GTF2E1: variants seen among roughly 807,000 people sequenced by gnomAD.
GTF2E1 encodes the protein general transcription factor IIE subunit 1, also known as TFIIE alpha subunit.
In GTF2E1, 14 loss-of-function variants were observed where a neutral mutation model predicts 34.9. The ratio of observed to expected loss-of-function variants is 0.40; its 90% CI spans 0.27 to 0.63. The LOEUF is 0.63. Among genes scored for constraint, GTF2E1 ranks in the 20% least tolerant of loss-of-function variants. The probability of loss-of-function intolerance (pLI) is 0.39; values close to 1 mark genes in which losing one functional copy is unlikely to be tolerated. For missense variants in GTF2E1, 469 were observed against 557.7 expected (o/e 0.84, Z 1.60); for synonymous variants, 188 against 192.9 (o/e 0.97, Z 0.21).
intron 4 of GTF2E1, among the ~76,000 whole-genome samples, chr3:120,778,197 T>C (rs1431340823): frequency 6.6e-6 from 1 of 152,270 alleles, no homozygotes; most frequent in Admixed American, 6.5e-5. Flanking sequence ...ACCAACATTA[T>C]ATATTAAGCT....
intron 1 of GTF2E1, among the ~76,000 whole-genome samples, chr3:120,747,636 C>T (rs547839579): frequency 3.7e-4 from 57 of 152,270 alleles, no homozygotes; most frequent in African/African-American, 1.4e-3. Context: ...ATTTTTTAAT[C>T]CAGTCTATCC....
chr3:120,750,492 T>C (rs1576355979), intron 1 of GTF2E1, 31 bp from the exon 2 acceptor site: 1 of 1,318,948 alleles, frequency 7.6e-7, no homozygotes, highest in Admixed American at 1.9e-5. Flanking sequence ...TTCTTATACC[T>C]GGCTAATTTT....
chr3:120,749,250 T>C (rs1231256364), intron 1 of GTF2E1, among the ~76,000 whole-genome samples: 3 of 152,050 alleles, frequency 2.0e-5, no homozygotes, highest in South Asian at 2.1e-4. Context: ...TTTATTTCCT[T>C]CTCCTGCCTG....
rs570890193 is a variant in GTF2E1, at chr3:120,781,351, C to T, written c.1201C>T (p.Arg401Cys). 5.0e-6 allele frequency: 8 copies of T among 1,613,996 alleles called. No individual in the cohort carries two copies. The highest frequency in any genetic ancestry group is 4.0e-5 in the African/African-American group (3 of 75,022). The change falls in exon 5 of 5, where the codon CGT becomes TGT. Residue 401 changes from arginine (R) to cysteine (C), a missense_variant. Physicochemically the swap from Arg to Cys is radical, Grantham distance 180. Transcript: ENST00000283875. Reference sequence around the variant, plus strand: ...TGACCCCATTGTCATGGTGGCTGGCCGTCCGTTCTCCTACAGTGAAGTGAG... The same window carrying T: ...TGACCCCATTGTCATGGTGGCTGGCTGTCCGTTCTCCTACAGTGAAGTGAG... Reference protein sequence around the residue: ...ADDPIVMVAGRPFSYSEVSQR... With the variant: ...ADDPIVMVAGCPFSYSEVSQR...
At chr3:120,774,697 T>A (rs770095606) in intron 3 of GTF2E1, among the ~76,000 whole-genome samples, 6 of 150,646 alleles carry the variant, frequency 4.0e-5, no homozygotes, top group Non-Finnish European at 7.4e-5. Context: ...AGGTCTAGAC[T>A]TAGAGTGGAG....
Position 120,782,688 on chromosome 3 carries a change from TTACTC to T in GTF2E1, c.*1220_*1224del, listed in dbSNP as rs1400235082. 4.6e-5 allele frequency: 7 copies of T among 152,200 alleles called. No homozygotes were observed. In the East Asian group the frequency reaches 7.7e-4, roughly 17 times the overall value. The allele number at this position is 152,200 out of a possible 1,614,324, so 9.4% of individuals were successfully genotyped here. A position where few individuals can be genotyped will look rare whatever the true frequency, so the allele number is the denominator to read the frequency against. On this transcript the variant is annotated 3_prime_UTR_variant, in exon 5 of 5. Coordinates refer to ENST00000283875, the MANE Select transcript of GTF2E1 (RefSeq NM_005513.3). Reference sequence around the variant, plus strand: ...CAGCAGAAATCAACAGAATAATTGATTACTCTTCTCTCTCTCTGTCACTCTCCCTC... The same window carrying T: ...CAGCAGAAATCAACAGAATAATTGATTTCTCTCTCTCTGTCACTCTCCCTC...
intron 2 of GTF2E1, among the ~76,000 whole-genome samples, chr3:120,769,129 G>A (rs1233798983): frequency 6.6e-6 from 1 of 150,682 alleles, no homozygotes. Flanking sequence ...TGAATTGTTA[G>A]CATTTGTAAT....
chr3:120,761,290 T>C (rs914246849), intron 2 of GTF2E1, among the ~76,000 whole-genome samples: 1 of 152,176 alleles, frequency 6.6e-6, no homozygotes, highest in South Asian at 2.1e-4. Flanking sequence ...TTTTATTGCA[T>C]CTATTTGATT....
chr3:120,777,598 C>T (rs1051779987), intron 4 of GTF2E1, among the ~76,000 whole-genome samples: 5 of 152,098 alleles, frequency 3.3e-5, no homozygotes, highest in Non-Finnish European at 5.9e-5. Context: ...GTGAAGGTAA[C>T]GTGGAGTTTG....
intron 2 of GTF2E1, among the ~76,000 whole-genome samples, chr3:120,761,644 G>A (rs1017321544): frequency 2.6e-5 from 4 of 152,128 alleles, no homozygotes; most frequent in African/African-American, 9.7e-5. Context: ...TGGTTTCAAA[G>A]AACATCTTTA....
chr3:120,755,626 A>G (rs916754743), intron 2 of GTF2E1, among the ~76,000 whole-genome samples: 2 of 152,322 alleles, frequency 1.3e-5, no homozygotes, highest in South Asian at 2.1e-4. Context: ...TTTGTGTTAC[A>G]AACAATCCAA....
chr3:120,768,554 A>G (rs1233499586), intron 2 of GTF2E1, among the ~76,000 whole-genome samples: 1 of 152,210 alleles, frequency 6.6e-6, no homozygotes, highest in East Asian at 1.9e-4. Flanking sequence ...TTTGAAAACT[A>G]CAGAACTAGA....
intron 1 of GTF2E1, among the ~76,000 whole-genome samples, chr3:120,746,711 A>G (rs887778827): frequency 1.4e-4 from 21 of 152,120 alleles, no homozygotes; most frequent in Admixed American, 6.5e-4. Flanking sequence ...AGGTGGGAAG[A>G]TTGCTTGAGC....
intron 2 of GTF2E1, among the ~76,000 whole-genome samples, chr3:120,762,458 C>T (rs142713926): frequency 1.3e-5 from 2 of 152,142 alleles, no homozygotes; most frequent in Non-Finnish European, 2.9e-5. Flanking sequence ...GATCTCTTTA[C>T]CATTATGTAG....
At chr3:120,776,130 A>G (rs1273238737) in intron 3 of GTF2E1, among the ~76,000 whole-genome samples, 2 of 152,210 alleles carry the variant, frequency 1.3e-5, no homozygotes, top group Non-Finnish European at 1.5e-5. Context: ...TTCTCCAAGT[A>G]TTAATAGATT....
chr3:120,781,548 G>A lies in GTF2E1; in HGVS notation c.*78G>A. 2 of 1,103,616 alleles carry A rather than the reference G, an allele frequency of 1.8e-6. No individual in the cohort carries two copies. Among genetic ancestry groups the A allele is most frequent in the East Asian group, 2.5e-5 (1 of 40,300 alleles). 68.4% of individuals were successfully genotyped at this position (1,103,616 alleles called of 1,614,324 possible). On this transcript the variant is annotated 3_prime_UTR_variant, in exon 5 of 5. Transcript: ENST00000283875. ...CTCATCTTTGAAGAAAAGTATTTAA[G>A]TGGCTTTCTGCCCCTCTTGATGTAA...
chr3:120,777,408 G>A (rs1355874782), intron 4 of GTF2E1, among the ~76,000 whole-genome samples: 5 of 152,114 alleles, frequency 3.3e-5, no homozygotes, highest in African/African-American at 1.2e-4. Context: ...TTTTATCAGT[G>A]TAACAATCAA....
At chr3:120,765,621 T>G (rs149126558) in intron 2 of GTF2E1, among the ~76,000 whole-genome samples, 1,726 of 152,320 alleles carry the variant, frequency 0.011, 33 homozygotes, top group African/African-American at 0.04. Flanking sequence ...AATCCAAGTT[T>G]AGTGATTTTT....
intron 2 of GTF2E1, among the ~76,000 whole-genome samples, chr3:120,762,563 T>G (rs1378021718): frequency 1.3e-5 from 2 of 152,224 alleles, no homozygotes; most frequent in Non-Finnish European, 2.9e-5. Flanking sequence ...TTCATAATAT[T>G]GTATAGTTTT....
Sources: allele counts gnomAD v4.1 joint callset (sites outside exome capture counted in the v4.1 genomes callset), GRCh38; gene constraint gnomAD v4.1.1; transcripts MANE v1.5; gene names NCBI Gene and HGNC (gene_info 2026-07-23, HGNC 2026-07-21).